Variants in CLINT1 observed in about 807,000 individuals in gnomAD.
The protein encoded by CLINT1 is clathrin interactor 1, also known as clathrin interacting protein localized in the trans-Golgi region.
A neutral mutation model predicts 70.4 loss-of-function variants in CLINT1; 15 were observed. That is an observed-to-expected ratio of 0.21 (90% CI 0.14 to 0.33). The LOEUF is 0.33. CLINT1 is among the 10% of genes least tolerant of loss of function. The probability of loss-of-function intolerance (pLI) is 1.00; values close to 1 mark genes in which losing one functional copy is unlikely to be tolerated. For synonymous variants in CLINT1, 227 were observed against 254.7 expected (o/e 0.89, Z 1.04); for missense variants, 615 against 778.1 (o/e 0.79, Z 2.49).
intron 6 of CLINT1, among the ~76,000 whole-genome samples, chr5:157,807,441 C>G (rs1269916902): frequency 6.6e-6 from 1 of 152,036 alleles, no homozygotes; most frequent in Non-Finnish European, 1.5e-5. Context: ...ATCTGACTAG[C>G]ACACGATGAA....
At chr5:157,812,972 A>C in intron 5 of CLINT1, 91 bp downstream of exon 5, 1 of 1,236,500 alleles carries the variant, frequency 8.1e-7, no homozygotes. Context: ...AAAGAAAATT[A>C]GCATTTTGGT....
intron 1 of CLINT1, among the ~76,000 whole-genome samples, chr5:157,822,568 G>A (rs1023813826): frequency 6.6e-6 from 1 of 152,164 alleles, no homozygotes; most frequent in Non-Finnish European, 1.5e-5. Flanking sequence ...TGTAAACACA[G>A]CCAGTATTCA....
rs1253933929 is a variant in CLINT1 at position 157,839,725 on chromosome 5, AT to A, written c.41+19204del. Among the ~76,000 whole-genome samples the A allele has an allele frequency of 1.7e-3, 110 of 63,616 alleles. No individual in the cohort carries two copies. In the Middle Eastern group the frequency reaches 0.026, roughly 15 times the overall value. The allele number at this position is 63,616 out of a possible 152,430, so 41.7% of individuals were successfully genotyped here. A position where few individuals can be genotyped will look rare whatever the true frequency, so the allele number is the denominator to read the frequency against. On this transcript the variant is annotated intron_variant, in intron 1 of 11. Transcript: ENST00000411809. The stretch of plus-strand genomic sequence containing the variant: ...AATCTCCTAATTACAACAAAAATCT[AT>A]CTATCTATCTATCTATCTATCTATC...
chr5:157,842,731 T>C (rs1231607558), intron 1 of CLINT1, among the ~76,000 whole-genome samples: 2 of 152,216 alleles, frequency 1.3e-5, no homozygotes, highest in African/African-American at 4.8e-5. Context: ...CAATAAATTT[T>C]AAAAGTTTAA....
chr5:157,793,580 T>C (rs371050505), intron 9 of CLINT1, among the ~76,000 whole-genome samples: 1 of 152,214 alleles, frequency 6.6e-6, no homozygotes, highest in Admixed American at 6.5e-5. Flanking sequence ...ATTATTTGCA[T>C]AGTAGGCAAC....
intron 1 of CLINT1, among the ~76,000 whole-genome samples, chr5:157,843,374 A>G (rs949974994): frequency 2.6e-5 from 4 of 152,242 alleles, no homozygotes; most frequent in Admixed American, 1.3e-4. Flanking sequence ...ACTGCTTGAC[A>G]TACCAACATG....
intron 1 of CLINT1, chr5:157,823,789 G>GGACC (rs1428682308): frequency 1.4e-6 from 1 of 700,376 alleles, no homozygotes; most frequent in African/African-American, 2.0e-5. Flanking sequence ...CCGGAGTTGC[G>GGACC]GACCGGCCTG....
At chr5:157,804,725 GA>G (rs1762335903) in intron 7 of CLINT1, among the ~76,000 whole-genome samples, 1 of 152,084 alleles carries the variant, frequency 6.6e-6, no homozygotes, top group African/African-American at 2.4e-5. Context: ...GGGAGTTCGA[GA>G]CTAGCCTGAC....
intron 8 of CLINT1, among the ~76,000 whole-genome samples, chr5:157,798,155 C>A (rs994617243): frequency 3.9e-5 from 6 of 152,170 alleles, no homozygotes; most frequent in Non-Finnish European, 8.8e-5. Context: ...CTATCCATAT[C>A]TGTATGTATG....
At chr5:157,811,022 C>A (rs1325991538) in intron 5 of CLINT1, among the ~76,000 whole-genome samples, 1 of 152,002 alleles carries the variant, frequency 6.6e-6, no homozygotes, top group Non-Finnish European at 1.5e-5. Context: ...GTTTTCTAGA[C>A]AAAATTTAAA....
chr5:157,830,442 C>T lies in CLINT1; in HGVS notation c.42-12895G>A, dbSNP rs1581521736. Among the ~76,000 whole-genome samples the T allele has an allele frequency of 5.3e-5, 8 of 152,012 alleles. No homozygotes were observed. In the South Asian group the frequency reaches 1.7e-3, roughly 31 times the overall value. ...GCCTTAAATCTCATTTTTTAAAACT[C>T]GTTTTTTACTGTTAATCTTAGTTTC... On this transcript the variant is annotated intron_variant, in intron 1 of 11. Coordinates refer to ENST00000411809, the MANE Select transcript of CLINT1 (RefSeq NM_014666.4).
intron 1 of CLINT1, among the ~76,000 whole-genome samples, chr5:157,840,192 CAA>C (rs57245921): frequency 0.12 from 6,536 of 54,968 alleles, 95 homozygotes; most frequent in East Asian, 0.27. Flanking sequence ...GAGACTGCCT[CAA>C]AAAAAAAAAA....
chr5:157,830,021 T>C (rs1581521130), intron 1 of CLINT1, among the ~76,000 whole-genome samples: 1 of 147,792 alleles, frequency 6.8e-6, no homozygotes, highest in East Asian at 2.0e-4. Flanking sequence ...CGATGATGCC[T>C]GACTACAGTC....
chr5:157,806,511 G>C (rs1762389071), intron 6 of CLINT1, among the ~76,000 whole-genome samples: 17 of 152,092 alleles, frequency 1.1e-4, no homozygotes, highest in Admixed American at 1.1e-3. Context: ...TCTTGACATG[G>C]ACTGTGTGCA....
intron 1 of CLINT1, among the ~76,000 whole-genome samples, chr5:157,840,838 G>A (rs1031932551): frequency 2.0e-5 from 3 of 151,896 alleles, no homozygotes; most frequent in African/African-American, 7.3e-5. Context: ...GGAGTTCGGA[G>A]TTCGAGAACA....
chr5:157,835,278 C>T (rs979726218), intron 1 of CLINT1, among the ~76,000 whole-genome samples: 6 of 152,240 alleles, frequency 3.9e-5, no homozygotes, highest in Non-Finnish European at 8.8e-5. Flanking sequence ...CCTGTTCAGA[C>T]ATCAGTTATA....
chr5:157,811,285 T>A (rs1161848670), intron 5 of CLINT1, among the ~76,000 whole-genome samples: 2 of 152,142 alleles, frequency 1.3e-5, no homozygotes, highest in African/African-American at 4.8e-5. Flanking sequence ...CTCATGCCTG[T>A]AATCCCAGCA....
chr5:157,851,055 G>T (rs1407982529), intron 1 of CLINT1, among the ~76,000 whole-genome samples: 3 of 152,166 alleles, frequency 2.0e-5, no homozygotes, highest in Admixed American at 6.5e-5. Flanking sequence ...GCCTCCCAAA[G>T]TGTTGGGATT....
chr5:157,788,693 C>T (rs1250041425), intron 11 of CLINT1, among the ~76,000 whole-genome samples: 1 of 152,240 alleles, frequency 6.6e-6, no homozygotes, highest in African/African-American at 2.4e-5. Context: ...AGTGGCCAGG[C>T]GCGGTGCCCC....
Sources: gnomAD v4.1 joint callset for allele counts (sites outside exome capture counted in the v4.1 genomes callset) on GRCh38, gnomAD v4.1.1 for gene constraint, MANE v1.5 for transcripts, NCBI Gene and HGNC (gene_info 2026-07-23, HGNC 2026-07-21) for gene names.